The following NUAK1 variants were observed in gnomAD, a reference collection of about 807,000 sequenced individuals.
The protein encoded by NUAK1 is NUAK family kinase 1.
NUAK1 carries 26 observed loss-of-function variants against 56.9 expected under a neutral mutation model. The ratio of observed to expected loss-of-function variants is 0.46; its 90% confidence interval spans 0.33 to 0.63. NUAK1 has a LOEUF of 0.63. Among genes scored for constraint, NUAK1 ranks in the 30% least tolerant of loss-of-function variants. The pLI is 0.02. For missense variants in NUAK1, 727 were observed against 876.1 expected, an observed-to-expected ratio of 0.83 and a Z score of 2.15; for synonymous variants, 337 against 336.0, an observed-to-expected ratio of 1.00 and a Z score of -0.03.
intron 1 of NUAK1, among the ~76,000 whole-genome samples, chr12:106,118,539 A>C (rs931501971): frequency 3.9e-5 from 6 of 152,186 alleles, no homozygotes; most frequent in Non-Finnish European, 8.8e-5. Context: ...AATCAGAACA[A>C]TTTGAATGTG....
intron 4 of NUAK1, among the ~76,000 whole-genome samples, chr12:106,079,519 C>T (rs1362125311): frequency 6.6e-6 from 1 of 152,028 alleles, no homozygotes; most frequent in Non-Finnish European, 1.5e-5. Context: ...GCAGAGACCC[C>T]AAAGAAGGAG....
rs546128373 is a variant in NUAK1 at position 106,133,487 on chromosome 12, C to CCAAACAAACTCCATCCAAA, written c.240+4908_240+4926dup. Among the ~76,000 whole-genome samples the CCAAACAAACTCCATCCAAA allele has an allele frequency of 6.6e-5, 10 of 152,276 alleles. No individual in the cohort carries two copies. In the East Asian group the frequency reaches 1.9e-3, roughly 29 times the overall value. On this transcript the variant is annotated intron_variant, in intron 1 of 6. Coordinates refer to ENST00000261402, the MANE Select transcript of NUAK1 (RefSeq NM_014840.3). ...CAATTCCTCTAGCAGCATTGGGTTT[C>CCAAACAAACTCCATCCAAA]CAAACAAACTCCATCCAAACAAACA...
chr12:106,090,140 T>C (rs1451053213), intron 2 of NUAK1, among the ~76,000 whole-genome samples: 2 of 152,096 alleles, frequency 1.3e-5, no homozygotes, highest in Non-Finnish European at 2.9e-5. Context: ...ACTGGATGAA[T>C]GAGATGATAC....
intron 2 of NUAK1, among the ~76,000 whole-genome samples, chr12:106,095,844 T>TTTGGTACCC (rs1173060127): frequency 6.6e-6 from 1 of 152,174 alleles, no homozygotes; most frequent in Non-Finnish European, 1.5e-5. Context: ...CTTTCATTCT[T>TTTGGTACCC]TTGGTCCCTA....
rs970709104 is a variant in NUAK1 at position 106,064,795 on chromosome 12, C to G, written c.*2007G>C. 3 of 135,874 alleles carry G rather than the reference C, an allele frequency of 2.2e-5. 1 individual carries two copies. The South Asian group carries it at 7.8e-4, about 35-fold the overall frequency. The allele number at this position is 135,874 out of a possible 1,614,324, so 8.4% of individuals were successfully genotyped here. ...GTCCTCCATGCACCCACACCCCCAC[C>G]CCCCCCCACACACACAATTTGCTAT... On this transcript the variant is annotated 3_prime_UTR_variant, in exon 7 of 7. Coordinates refer to ENST00000261402, the MANE Select transcript of NUAK1 (RefSeq NM_014840.3).
chr12:106,122,791 T>C (rs1258619785), intron 1 of NUAK1, among the ~76,000 whole-genome samples: 1 of 152,170 alleles, frequency 6.6e-6, no homozygotes, highest in African/African-American at 2.4e-5. Flanking sequence ...ACTCCAACCC[T>C]GTTGAATCAG....
At position 106,066,957 on chromosome 12, in the gene NUAK1, G is replaced by A; in HGVS notation, c.1831C>T (p.Gln611Ter). ...CGGTTCTGGAGCCCCTCAAAGTCCT[G>A]GATCTGGAGGAAGTTTTCTGCAGAG... ...CVSAENFLQIQDFEGLQNRPR... is the reference protein window; with the variant it reads ...CVSAENFLQI Residue 611 changes from glutamine (Q) to a stop codon, truncating the protein, a stop_gained, in exon 7 of 7, where the codon CAG becomes TAG. Transcript: ENST00000261402. LOFTEE classifies it high-confidence loss of function. The A allele has an allele frequency of 6.2e-7, 1 of 1,614,230 alleles. No homozygotes were observed. Among genetic ancestry groups the A allele is most frequent in the Non-Finnish European group, 8.5e-7 (1 of 1,180,046 alleles).
At chr12:106,131,681 C>G (rs777143524) in intron 1 of NUAK1, among the ~76,000 whole-genome samples, 3 of 152,170 alleles carry the variant, frequency 2.0e-5, no homozygotes, top group Non-Finnish European at 2.9e-5. Flanking sequence ...TAATAATGCT[C>G]TATAGACATT....
At chr12:106,082,035 A>G (rs990328038) in intron 4 of NUAK1, among the ~76,000 whole-genome samples, 9 of 152,228 alleles carry the variant, frequency 5.9e-5, no homozygotes, top group African/African-American at 2.2e-4. Flanking sequence ...TTCCCTCTCC[A>G]GTGGCCAGCC....
intron 4 of NUAK1, among the ~76,000 whole-genome samples, chr12:106,074,342 C>T (rs1346086977): frequency 6.6e-6 from 1 of 152,132 alleles, no homozygotes; most frequent in Admixed American, 6.5e-5. Context: ...TTAACAAAAA[C>T]CTGGTTTACA....
At chr12:106,116,980 T>A (rs921076078) in intron 1 of NUAK1, among the ~76,000 whole-genome samples, 26 of 152,248 alleles carry the variant, frequency 1.7e-4, no homozygotes, top group Admixed American at 1.6e-3. Context: ...GGATAAGGCA[T>A]TGATCCAGTC....
Position 106,067,483 on chromosome 12 carries a change from C to A in NUAK1, c.1305G>T (p.Leu435Phe). ...TTGGGAGGAGCACGCCAGTCCTGCA[C>A]AAGTCCTGCTCCATCTTGAAAGTAG... ...LPSTFKMEQD[L>F]CRTGVLLPSS... The change falls in exon 7 of 7, where the codon TTG becomes TTT. Residue 435 changes from leucine (L) to phenylalanine (F), a missense_variant. By Grantham distance (22) the Leu-to-Phe change is conservative. Coordinates refer to ENST00000261402, the MANE Select transcript of NUAK1 (RefSeq NM_014840.3). The surrounding 1 kb of genome is among the most constrained non-coding windows in gnomAD (Gnocchi z 6.0). The A allele has an allele frequency of 6.2e-7, 1 of 1,614,204 alleles. No individual in the cohort carries two copies. Among genetic ancestry groups the A allele is most frequent in the Non-Finnish European group, 8.5e-7 (1 of 1,180,040 alleles).
At chr12:106,077,169 A>C (rs997962783) in intron 4 of NUAK1, among the ~76,000 whole-genome samples, 1 of 152,226 alleles carries the variant, frequency 6.6e-6, no homozygotes, top group African/African-American at 2.4e-5. Context: ...AGTGTTTAAG[A>C]GGAAGTGTGG....
At chr12:106,071,447 T>C (rs1272798567) in intron 5 of NUAK1, among the ~76,000 whole-genome samples, 1 of 152,196 alleles carries the variant, frequency 6.6e-6, no homozygotes, top group Non-Finnish European at 1.5e-5. Context: ...GTGTTGGGGA[T>C]GGAGACAAAC....
intron 1 of NUAK1, among the ~76,000 whole-genome samples, chr12:106,137,871 G>A (rs1592866765): frequency 6.6e-6 from 1 of 152,214 alleles, no homozygotes; most frequent in Non-Finnish European, 1.5e-5. Flanking sequence ...TCAAAAACAG[G>A]CAAGAGTCGC....
Position 106,067,314 on chromosome 12 carries a change from C to T in NUAK1, c.1474G>A (p.Asp492Asn), listed in dbSNP as rs979077065. 8 of 1,614,064 alleles carry T rather than the reference C, an allele frequency of 5.0e-6. No individual in the cohort carries two copies. The highest frequency in any genetic ancestry group is 6.8e-6 in the Non-Finnish European group (8 of 1,180,042). ...CTGCTGCCCATCACATCATTACTGT[C>T]CAACAGCTCCGAAGACTCACTGCGC... ...PERSESSELLDSNDVMGSSIP... is the reference protein window; with the variant it reads ...PERSESSELLNSNDVMGSSIP... The change falls in exon 7 of 7, where the codon GAC becomes AAC. Residue 492 changes from aspartate to asparagine, a missense_variant. Coordinates refer to ENST00000261402, the MANE Select transcript of NUAK1 (RefSeq NM_014840.3). This position sits in a 1 kb window ranked among gnomAD's most constrained non-coding sequence, Gnocchi z 6.0.
intron 1 of NUAK1, among the ~76,000 whole-genome samples, chr12:106,117,008 G>T (rs1592860478): frequency 6.6e-6 from 1 of 152,158 alleles, no homozygotes; most frequent in Non-Finnish European, 1.5e-5. Context: ...ACATGAACTA[G>T]ACCTACCCTT....
chr12:106,119,203 C>A (rs371832056), intron 1 of NUAK1, among the ~76,000 whole-genome samples: 6 of 152,250 alleles, frequency 3.9e-5, no homozygotes, highest in Admixed American at 3.3e-4. Flanking sequence ...TTCTTTATGC[C>A]AAAACCACTA....
intron 1 of NUAK1, among the ~76,000 whole-genome samples, chr12:106,134,421 C>T (rs2033108706): frequency 6.6e-6 from 1 of 152,192 alleles, no homozygotes; most frequent in Non-Finnish European, 1.5e-5. Flanking sequence ...GGTGAGGATG[C>T]CCCATCACCC....
Sources: gnomAD v4.1 joint callset for allele counts (sites outside exome capture counted in the v4.1 genomes callset) on GRCh38, gnomAD v4.1.1 for gene constraint, Gnocchi (gnomAD v3.1) non-coding constraint, MANE v1.5 for transcripts, NCBI Gene and HGNC (gene_info 2026-07-23, HGNC 2026-07-21) for gene names.